Variants in SLC18A2 observed in about 807,000 individuals in gnomAD.
SLC18A2 encodes the protein synaptic vesicular amine transporter.
Under a neutral mutation model 59.2 loss-of-function variants are expected in SLC18A2, and 33 were observed. The ratio of observed to expected loss-of-function variants is 0.56; its 90% confidence interval spans 0.42 to 0.75. The LOEUF (loss-of-function observed/expected upper bound fraction) is 0.75, where lower values mean the gene tolerates loss of function less well. Among genes scored for constraint, SLC18A2 ranks in the 30% least tolerant of loss-of-function variants. The probability of loss-of-function intolerance (pLI) is 0.00; values close to 1 mark genes in which losing one functional copy is unlikely to be tolerated. For missense variants in SLC18A2, 569 were observed against 668.6 expected, an observed-to-expected ratio of 0.85 and a Z score of 1.64; for synonymous variants, 228 against 253.5, an observed-to-expected ratio of 0.90 and a Z score of 0.95.
At position 117,254,144 on chromosome 10, in the gene SLC18A2, T is replaced by A; in HGVS notation, c.607+13T>A. 2 of 1,612,808 alleles carry A rather than the reference T, an allele frequency of 1.2e-6. No homozygotes were observed. Among genetic ancestry groups the A allele is most frequent in the Non-Finnish European group, 1.7e-6 (2 of 1,179,662 alleles). On this transcript the variant is annotated intron_variant, in intron 5 of 15. Coordinates refer to ENST00000644641, the MANE Select transcript of SLC18A2 (RefSeq NM_003054.6). ...TCCTCTGTGGCTGGTAGGTGTGGAATGCCTGAGTGAGTTCGTGAGGGGCCC... is the reference window on the plus strand; with the variant it reads ...TCCTCTGTGGCTGGTAGGTGTGGAAAGCCTGAGTGAGTTCGTGAGGGGCCC...
rs186659646 is a variant in SLC18A2, at chr10:117,269,650, G to T, written c.1187-421G>T. On this transcript the variant is annotated intron_variant, in intron 13 of 15. Transcript: ENST00000644641. This position sits in a 1 kb window ranked among gnomAD's most constrained non-coding sequence, Gnocchi z 5.1. ...TGAGCCAGTGTCTGTGAACACACTG[G>T]CAGGGACTCAGAGGTTGGTGCCCTC... 1.8e-3 allele frequency among the ~76,000 whole-genome samples: 269 copies of T among 152,270 alleles called. 1 individual carries two copies. Among genetic ancestry groups the T allele is most frequent in the Non-Finnish European group, 2.6e-3 (175 of 68,018 alleles).
At chr10:117,253,168 A>G (rs563491437) in intron 3 of SLC18A2, among the ~76,000 whole-genome samples, 19 of 152,298 alleles carry the variant, frequency 1.2e-4, no homozygotes, top group African/African-American at 4.6e-4. Context: ...TTGTGTTAAC[A>G]TTTATTCCAA....
In SLC18A2 at chr10:117,270,210, A is replaced by G. The variant is rs768908381; in HGVS notation, c.1306+20A>G. On this transcript the variant is annotated intron_variant, in intron 14 of 15. Coordinates refer to ENST00000644641, the MANE Select transcript of SLC18A2 (RefSeq NM_003054.6). ...CTATAGGTAAGGACATTGGCTTTTC[A>G]TAAGAACCTTTTACCTCAATACGTA... 2.5e-6 allele frequency: 4 copies of G among 1,614,052 alleles called. No homozygotes were observed. Among genetic ancestry groups the G allele is most frequent in the South Asian group, 1.1e-5 (1 of 90,998 alleles).
At chr10:117,248,947 A>G (rs930843574) in intron 3 of SLC18A2, among the ~76,000 whole-genome samples, 1 of 152,232 alleles carries the variant, frequency 6.6e-6, no homozygotes, top group Non-Finnish European at 1.5e-5. Context: ...ATTTATTTCC[A>G]TAGTTACTTA....
rs779228906 is a variant in SLC18A2 at position 117,270,366 on chromosome 10, G to A, written c.1343G>A (p.Gly448Glu). ...GGTGGTGCTATTGCAAAGGCAATTG[G>A]ATTTCCATGGCTCATGACAATTATT... ...SAGGAIAKAI[G>E]FPWLMTIIGI... Residue 448 changes from glycine to glutamate, a missense_variant, in exon 15 of 16, where the codon GGA becomes GAA. This residue lies in a region of SLC18A2 where 192 missense variants were observed against 278.8 expected (regional missense o/e 0.69). Transcript: ENST00000644641. 10 of 1,614,014 alleles carry A rather than the reference G, an allele frequency of 6.2e-6. No individual in the cohort carries two copies. Among genetic ancestry groups the A allele is most frequent in the Non-Finnish European group, 7.6e-6 (9 of 1,180,026 alleles).
At chr10:117,264,887 G>T (rs553324215) in intron 10 of SLC18A2, among the ~76,000 whole-genome samples, 1 of 152,144 alleles carries the variant, frequency 6.6e-6, no homozygotes, top group Admixed American at 6.5e-5. Flanking sequence ...TTGGCCAGAC[G>T]CAGTTCCAGG....
intron 15 of SLC18A2, among the ~76,000 whole-genome samples, chr10:117,271,584 C>T (rs574226453): frequency 6.6e-6 from 1 of 152,290 alleles, no homozygotes; most frequent in African/African-American, 2.4e-5. Context: ...TTGAGTAATG[C>T]ATGGCCCGTC....
At chr10:117,246,211 G>T (rs916872486) in intron 3 of SLC18A2, among the ~76,000 whole-genome samples, 1 of 152,184 alleles carries the variant, frequency 6.6e-6, no homozygotes, top group East Asian at 1.9e-4. Context: ...GGACATTATC[G>T]TAATAATACC....
intron 10 of SLC18A2, 95 bp from the exon 11 acceptor site, chr10:117,266,638 T>C (rs1844351817): frequency 2.0e-6 from 2 of 981,262 alleles, no homozygotes; most frequent in East Asian, 2.4e-5. Context: ...TCGTTTTATC[T>C]GCTCTCATCA....
intron 9 of SLC18A2, 102 bp downstream of exon 9, chr10:117,255,759 A>AAATGT: frequency 9.9e-7 from 1 of 1,011,384 alleles, no homozygotes; most frequent in African/African-American, 1.6e-5. Flanking sequence ...TTGCTGCTAG[A>AAATGT]AATGTTGGGC....
chr10:117,265,388 G>A (rs903668353), intron 10 of SLC18A2, among the ~76,000 whole-genome samples: 1 of 152,098 alleles, frequency 6.6e-6, no homozygotes, highest in African/African-American at 2.4e-5. Context: ...TGCATTTTGA[G>A]TGTAGCAGGC....
chr10:117,249,192 T>C (rs2133729329), intron 3 of SLC18A2, among the ~76,000 whole-genome samples: 1 of 152,254 alleles, frequency 6.6e-6, no homozygotes, highest in Non-Finnish European at 1.5e-5. Flanking sequence ...ATCCTGCATG[T>C]GGTTAGGATG....
intron 1 of SLC18A2, among the ~76,000 whole-genome samples, 156 bp downstream of exon 1, chr10:117,241,376 G>T (rs1235036948): frequency 6.6e-6 from 1 of 152,018 alleles, no homozygotes; most frequent in Non-Finnish European, 1.5e-5. Context: ...CAAGGTGCAC[G>T]GGGCCGAGCG....
At chr10:117,254,617 T>C in intron 6 of SLC18A2, 120 bp downstream of exon 6, 1 of 531,236 alleles carries the variant, frequency 1.9e-6, no homozygotes. Flanking sequence ...CCCTTTTTAT[T>C]TTTTTCCTTT....
chr10:117,266,840 C>A, intron 11 of SLC18A2, 29 bp downstream of exon 11: 1 of 1,586,880 alleles, frequency 6.3e-7, no homozygotes, highest in Non-Finnish European at 8.6e-7. Flanking sequence ...AACACTCATT[C>A]TGTTACAATA....
In SLC18A2 at chr10:117,244,299, A is replaced by G; in HGVS notation, c.450A>G (p.Gly150=). The G allele has an allele frequency of 6.2e-7, 1 of 1,613,774 alleles. No individual in the cohort carries two copies. The change falls in exon 3 of 16, where the codon GGA becomes GGG. Residue 150 remains glycine (G), a synonymous_variant. Transcript: ENST00000644641. ...TVQLITNPFI[G]LLTNRIGYPI... Reference sequence around the variant, plus strand: ...AGCTCATCACCAACCCTTTCATAGGACTACTGACCAACAGGTAGGGCAGAC... The same window carrying G: ...AGCTCATCACCAACCCTTTCATAGGGCTACTGACCAACAGGTAGGGCAGAC...
rs1011009493 is a variant in SLC18A2, at chr10:117,249,656, G to C, written c.465-3743G>C. Among the ~76,000 whole-genome samples the C allele has an allele frequency of 2.0e-5, 3 of 152,298 alleles. No homozygotes were observed. In the East Asian group the frequency reaches 5.8e-4, roughly 29 times the overall value. On this transcript the variant is annotated intron_variant, in intron 3 of 15. Transcript: ENST00000644641. ...TGTGGTTTTAGCAATCATGAGAAGA[G>C]AGCTTCCATTAGTCTCTATGGCAAG...
At chr10:117,241,916 C>A in intron 2 of SLC18A2, 102 bp downstream of exon 2, 1 of 1,218,480 alleles carries the variant, frequency 8.2e-7, no homozygotes, top group East Asian at 2.9e-5. Flanking sequence ...CGCCAAGGCC[C>A]GGGAAAGTTG....
Position 117,269,675 on chromosome 10 carries a change from C to T in SLC18A2, c.1187-396C>T, listed in dbSNP as rs916205988. ...GCAGGGACTCAGAGGTTGGTGCCCT[C>T]CCCTCCACATGTGTCAGTGGCAGGC... On this transcript the variant is annotated intron_variant, in intron 13 of 15. Coordinates refer to ENST00000644641, the MANE Select transcript of SLC18A2 (RefSeq NM_003054.6). The surrounding 1 kb of genome is among the most constrained non-coding windows in gnomAD (Gnocchi z 5.1). 1.3e-5 allele frequency among the ~76,000 whole-genome samples: 2 copies of T among 152,152 alleles called. No individual in the cohort carries two copies. The highest frequency in any genetic ancestry group is 2.9e-5 in the Non-Finnish European group (2 of 68,026).
Sources: allele counts gnomAD v4.1 joint callset (sites outside exome capture counted in the v4.1 genomes callset), GRCh38; gene constraint gnomAD v4.1.1; regional missense constraint gnomAD v4.1.1; non-coding constraint Gnocchi (gnomAD v3.1); transcripts MANE v1.5; gene names NCBI Gene and HGNC (gene_info 2026-07-23, HGNC 2026-07-21).